Variants in ROBO2 observed in about 807,000 individuals in gnomAD.
ROBO2 encodes roundabout guidance receptor 2, also known as roundabout homolog 2.
In ROBO2, 53 loss-of-function variants were observed where a neutral mutation model predicts 160.8. The observed-to-expected ratio is 0.33, with a 90% CI of 0.26 to 0.41. The LOEUF (loss-of-function observed/expected upper bound fraction) is 0.41. Ranked by LOEUF, ROBO2 falls within the 10% of genes least tolerant of loss-of-function variation. ROBO2 has a pLI of 1.00. For missense variants in ROBO2, 1,577 were observed against 1,722.4 expected (o/e 0.92, Z 1.49); for synonymous variants, 664 against 611.7 (o/e 1.09, Z -1.26).
Position 76,547,694 on chromosome 3 carries a change from C to T in ROBO2, c.110-550320C>T, listed in dbSNP as rs545805091. On this transcript the variant is annotated intron_variant, in intron 2 of 26. Coordinates refer to the ROBO2 transcript ENST00000487694. ...CTAATTACCTCTATGCTAGCACTGA[C>T]GCTATGGTTTAACCAATGCATATTT... is the stretch of plus-strand genomic sequence containing the variant. Among the ~76,000 whole-genome samples, 15 of 152,178 alleles carry T rather than the reference C, an allele frequency of 9.9e-5. No homozygotes were observed. The South Asian group carries it at 2.1e-3, about 21-fold the overall frequency.
chr3:76,216,762 G>T (rs1268628880), intron 2 of ROBO2, among the ~76,000 whole-genome samples: 5 of 152,066 alleles, frequency 3.3e-5, no homozygotes, highest in Non-Finnish European at 5.9e-5. Context: ...GAGACAGAAA[G>T]TTAACAAGGA....
chr3:77,134,186 A>G (rs1324943134), intron 2 of ROBO2, among the ~76,000 whole-genome samples: 2 of 152,032 alleles, frequency 1.3e-5, no homozygotes, highest in South Asian at 2.1e-4. Flanking sequence ...CAAAAAAAAA[A>G]GGAAAAGAAA....
intron 2 of ROBO2, among the ~76,000 whole-genome samples, chr3:76,445,533 A>C (rs548799137): frequency 3.6e-4 from 55 of 152,308 alleles, no homozygotes; most frequent in African/African-American, 1.3e-3. Context: ...TCCCTAACTC[A>C]TTTTATGAGG....
At chr3:77,601,644 A>G (rs1337353335) in intron 19 of ROBO2, among the ~76,000 whole-genome samples, 1 of 152,168 alleles carries the variant, frequency 6.6e-6, no homozygotes, top group African/African-American at 2.4e-5. Flanking sequence ...TTACACCTGA[A>G]AATTTTCCTT....
intron 2 of ROBO2, among the ~76,000 whole-genome samples, chr3:76,510,998 A>G (rs1009465342): frequency 2.0e-5 from 3 of 152,234 alleles, no homozygotes; most frequent in African/African-American, 4.8e-5. Flanking sequence ...ATGATAAAAC[A>G]TCTGCTGATC....
At chr3:76,437,250 A>C (rs1419666790) in intron 2 of ROBO2, among the ~76,000 whole-genome samples, 1 of 152,204 alleles carries the variant, frequency 6.6e-6, no homozygotes, top group South Asian at 2.1e-4. Flanking sequence ...TTTTATATAA[A>C]GGAATCACAT....
chr3:75,933,206 G>T (rs1187449933), intron 1 of ROBO2, among the ~76,000 whole-genome samples: 1 of 152,174 alleles, frequency 6.6e-6, no homozygotes, highest in Non-Finnish European at 1.5e-5. Context: ...AAAAATCAAT[G>T]TTAATAACTG....
chr3:76,890,769 C>G (rs1169590323), intron 2 of ROBO2, among the ~76,000 whole-genome samples: 1 of 152,130 alleles, frequency 6.6e-6, no homozygotes, highest in Non-Finnish European at 1.5e-5. Flanking sequence ...TCTTAGCAGA[C>G]ACTGTCTTTA....
intron 2 of ROBO2, among the ~76,000 whole-genome samples, chr3:76,984,108 C>T (rs1559800029): frequency 6.6e-6 from 1 of 152,064 alleles, no homozygotes; most frequent in Non-Finnish European, 1.5e-5. Context: ...TGGGGGAAAC[C>T]GCCCCCCGGG....
At chr3:75,920,647 T>G (rs1947000155) in intron 1 of ROBO2, among the ~76,000 whole-genome samples, 1 of 152,152 alleles carries the variant, frequency 6.6e-6, no homozygotes, top group Non-Finnish European at 1.5e-5. Context: ...TTCCCACTAT[T>G]ATTGTGTGGG....
chr3:76,645,929 C>CA (rs559562889), intron 2 of ROBO2, among the ~76,000 whole-genome samples: 1 of 151,600 alleles, frequency 6.6e-6, no homozygotes, highest in Non-Finnish European at 1.5e-5. Flanking sequence ...AGAAGAAAAG[C>CA]AAAAAAAGAC....
chr3:76,960,998 T>C (rs1393627623), intron 2 of ROBO2, among the ~76,000 whole-genome samples: 1 of 151,982 alleles, frequency 6.6e-6, no homozygotes, highest in Non-Finnish European at 1.5e-5. Context: ...GTGTATCCAG[T>C]GGTATTATTG....
intron 2 of ROBO2, among the ~76,000 whole-genome samples, chr3:76,620,008 A>G (rs2088934884): frequency 6.6e-6 from 1 of 152,164 alleles, no homozygotes; most frequent in Non-Finnish European, 1.5e-5. Context: ...AATATAAAAC[A>G]TATGTCTAGT....
intron 5 of ROBO2, among the ~76,000 whole-genome samples, chr3:77,503,518 C>T (rs1321058270): frequency 2.1e-5 from 3 of 144,080 alleles, no homozygotes; most frequent in Non-Finnish European, 3.0e-5. Context: ...AGAGAGAGTC[C>T]GTCTCTAAAT....
At chr3:77,465,967 G>A (rs972930065) in intron 2 of ROBO2, among the ~76,000 whole-genome samples, 2 of 152,128 alleles carry the variant, frequency 1.3e-5, no homozygotes, top group African/African-American at 4.8e-5. Context: ...CTCTTCTCCT[G>A]CTGAACTGTC....
At chr3:77,243,717 T>G (rs774035321) in intron 2 of ROBO2, among the ~76,000 whole-genome samples, 2 of 152,208 alleles carry the variant, frequency 1.3e-5, no homozygotes, top group Non-Finnish European at 2.9e-5. Flanking sequence ...TTACACAAAG[T>G]TATCTAATTT....
chr3:76,486,254 C>G (rs1016281069), intron 2 of ROBO2, among the ~76,000 whole-genome samples: 1 of 152,126 alleles, frequency 6.6e-6, no homozygotes, highest in Non-Finnish European at 1.5e-5. Context: ...CTGCTTAGGT[C>G]TTCTTTCTGG....
chr3:76,916,734 A>G (rs962112994), intron 2 of ROBO2, among the ~76,000 whole-genome samples: 6 of 152,082 alleles, frequency 3.9e-5, no homozygotes, highest in Admixed American at 2.0e-4. Context: ...ATCTAACACC[A>G]TAACATTTCC....
chr3:76,852,004 TA>T (rs1257181969), intron 2 of ROBO2, among the ~76,000 whole-genome samples: 1 of 151,898 alleles, frequency 6.6e-6, no homozygotes, highest in Non-Finnish European at 1.5e-5. Flanking sequence ...AGTAAAAGCA[TA>T]AAAAAGACAG....
Sources: gnomAD v4.1 joint callset for allele counts (sites outside exome capture counted in the v4.1 genomes callset) on GRCh38, gnomAD v4.1.1 for gene constraint, MANE v1.5 for transcripts, NCBI Gene and HGNC (gene_info 2026-07-23, HGNC 2026-07-21) for gene names.